The following CEP128 variants were observed in gnomAD, a reference collection of about 807,000 sequenced individuals.
CEP128 encodes centrosomal protein 128, also known as centrosomal protein 128kDa.
A neutral mutation model predicts 156.7 loss-of-function variants in CEP128; 132 were observed. That is an observed-to-expected ratio of 0.84 (90% CI 0.73 to 0.97). The LOEUF (loss-of-function observed/expected upper bound fraction) is 0.97. Ranked by LOEUF, CEP128 falls within the 50% of genes least tolerant of loss-of-function variation. The pLI is 0.00. For missense variants in CEP128, 1,252 were observed against 1,281.9 expected (o/e 0.98, Z 0.36); for synonymous variants, 469 against 448.9 (o/e 1.04, Z -0.57).
At chr14:80,941,137 C>G (rs771677690) in intron 1 of CEP128, among the ~76,000 whole-genome samples, 7 of 152,018 alleles carry the variant, frequency 4.6e-5, no homozygotes, top group Non-Finnish European at 8.8e-5. Context: ...ACTAATAAAG[C>G]GTTCCCGAGA....
chr14:80,797,772 T>C (rs1883578287), intron 13 of CEP128, among the ~76,000 whole-genome samples: 1 of 152,088 alleles, frequency 6.6e-6, no homozygotes, highest in Non-Finnish European at 1.5e-5. Context: ...AAACACATAA[T>C]AAATCCATGC....
At chr14:80,957,436 C>A (rs543203628) in intron 2 of CEP128, among the ~76,000 whole-genome samples, 2 of 151,090 alleles carry the variant, frequency 1.3e-5, no homozygotes, top group African/African-American at 4.9e-5. Flanking sequence ...ATTCCTGAAA[C>A]CCTGGAACTA....
At chr14:80,535,584 T>G (rs1889445816) in intron 21 of CEP128, among the ~76,000 whole-genome samples, 1 of 151,826 alleles carries the variant, frequency 6.6e-6, no homozygotes, top group African/African-American at 2.4e-5. Context: ...CACACTTGTG[T>G]GCACACACGC....
At position 80,646,394 on chromosome 14, in the gene CEP128, G is replaced by C. The variant is rs1894634076; in HGVS notation, c.2807-65971C>G. The stretch of plus-strand genomic sequence containing the variant: ...AAGCAAAGCTTAGTGGAACAACTTG[G>C]GAGAAAATGTATGCTAGGGAAATAC... On this transcript the variant is annotated intron_variant, in intron 19 of 24. Transcript: ENST00000555265. Among the ~76,000 whole-genome samples the C allele has an allele frequency of 2.0e-5, 3 of 151,848 alleles. No individual in the cohort carries two copies. In the South Asian group the frequency reaches 6.2e-4, roughly 32 times the overall value.
At chr14:80,777,310 G>A (rs1044395481) in intron 16 of CEP128, among the ~76,000 whole-genome samples, 1 of 152,106 alleles carries the variant, frequency 6.6e-6, no homozygotes, top group Admixed American at 6.5e-5. Flanking sequence ...AGACCCCAGA[G>A]AGCTCTCTCT....
In CEP128 at chr14:80,868,515, A is replaced by G. The variant is rs181914206; in HGVS notation, c.646-5642T>C. ...AAACTTGTGCATATTTAAAAGACAG[A>G]GAAAGCAGTCAAAGCATACCACTAC... is the stretch of plus-strand genomic sequence containing the variant. On this transcript the variant is annotated intron_variant, in intron 8 of 24. Transcript: ENST00000555265. 1.7e-3 allele frequency among the ~76,000 whole-genome samples: 252 copies of G among 152,278 alleles called. 1 individual carries two copies. The highest frequency in any genetic ancestry group is 5.8e-3 in the African/African-American group (243 of 41,574).
intron 1 of CEP128, among the ~76,000 whole-genome samples, chr14:80,941,043 G>C (rs975404991): frequency 1.3e-5 from 2 of 152,188 alleles, no homozygotes; most frequent in Non-Finnish European, 2.9e-5. Context: ...TCAATGTCAG[G>C]TATTTTTACG....
At chr14:80,597,195 C>A (rs1250008479) in intron 19 of CEP128, among the ~76,000 whole-genome samples, 1 of 151,850 alleles carries the variant, frequency 6.6e-6, no homozygotes, top group Non-Finnish European at 1.5e-5. Context: ...GAAAGAGAGA[C>A]GGGGCAGGGA....
intron 19 of CEP128, among the ~76,000 whole-genome samples, chr14:80,629,515 A>AT (rs563182372): frequency 0.15 from 21,700 of 149,060 alleles, 3,038 homozygotes; most frequent in African/African-American, 0.38. Flanking sequence ...CCAGTAATAT[A>AT]TTTTTTTTTT....
intron 19 of CEP128, among the ~76,000 whole-genome samples, chr14:80,603,822 A>G (rs373563433): frequency 2.6e-5 from 4 of 152,130 alleles, no homozygotes; most frequent in Non-Finnish European, 4.4e-5. Flanking sequence ...AAGACCATCA[A>G]TATTCTCTCA....
At chr14:80,811,801 G>A (rs1037357209) in intron 13 of CEP128, among the ~76,000 whole-genome samples, 6 of 108,286 alleles carry the variant, frequency 5.5e-5, no homozygotes, top group Non-Finnish European at 1.0e-4. Context: ...GTGTGTGTGT[G>A]TGTGCACACG....
chr14:80,952,976 A>C (rs1044218518), intron 2 of CEP128, among the ~76,000 whole-genome samples: 11 of 152,222 alleles, frequency 7.2e-5, no homozygotes, highest in Non-Finnish European at 1.5e-4. Flanking sequence ...ATAGCCCTAA[A>C]TCTATGTTTA....
At chr14:80,702,178 C>G (rs1349528181) in intron 19 of CEP128, among the ~76,000 whole-genome samples, 1 of 152,090 alleles carries the variant, frequency 6.6e-6, no homozygotes, top group Non-Finnish European at 1.5e-5. Context: ...AACACAGCTA[C>G]AGGGATTTTT....
chr14:80,878,013 C>T (rs1409476619), intron 8 of CEP128, among the ~76,000 whole-genome samples: 4 of 152,098 alleles, frequency 2.6e-5, no homozygotes, highest in Non-Finnish European at 4.4e-5. Context: ...ATGGCACAGC[C>T]GAGGTAGTGC....
downstream of CEP128, among the ~76,000 whole-genome samples, chr14:80,493,915 T>C (rs1262158585): frequency 6.6e-6 from 1 of 152,252 alleles, no homozygotes; most frequent in Non-Finnish European, 1.5e-5. Flanking sequence ...TGGTTTACTT[T>C]GTTACTAATC....
chr14:80,628,757 C>T (rs1009496684), intron 19 of CEP128, among the ~76,000 whole-genome samples: 2 of 152,062 alleles, frequency 1.3e-5, no homozygotes, highest in African/African-American at 4.8e-5. Flanking sequence ...CAGCAACAGC[C>T]CTGGACTTTC....
intron 19 of CEP128, among the ~76,000 whole-genome samples, chr14:80,655,838 T>C (rs1895108389): frequency 6.6e-6 from 1 of 152,234 alleles, no homozygotes; most frequent in Admixed American, 6.5e-5. Context: ...TAAAAACCTC[T>C]GCTGGCCTTT....
chr14:80,668,531 C>T (rs1895716781), intron 19 of CEP128, among the ~76,000 whole-genome samples: 1 of 152,070 alleles, frequency 6.6e-6, no homozygotes, highest in Admixed American at 6.6e-5. Context: ...TTAAAAATAA[C>T]ATGAAACATC....
chr14:80,525,702 A>G (rs10498540), intron 23 of CEP128, among the ~76,000 whole-genome samples: 1,957 of 152,272 alleles, frequency 0.013, 149 homozygotes, highest in Admixed American at 0.11. Flanking sequence ...AAAAAGGAAC[A>G]AAGTCACAGG....
Sources: allele counts gnomAD v4.1 joint callset (sites outside exome capture counted in the v4.1 genomes callset), GRCh38; gene constraint gnomAD v4.1.1; transcripts MANE v1.5; gene names NCBI Gene and HGNC (gene_info 2026-07-23, HGNC 2026-07-21).